The following CDH4 variants were observed in gnomAD, a reference collection of about 807,000 sequenced individuals.
CDH4 encodes the protein cadherin-4.
A neutral mutation model predicts 86.0 loss-of-function variants in CDH4; 33 were observed. The ratio of observed to expected loss-of-function variants is 0.38; its 90% CI spans 0.29 to 0.51. The LOEUF is 0.51. Ranked by LOEUF, CDH4 falls within the 20% of genes least tolerant of loss-of-function variation. CDH4 has a pLI of 0.86. For missense variants in CDH4, 1,114 were observed against 1,307.4 expected (o/e 0.85, Z 2.28); for synonymous variants, 555 against 549.4 (o/e 1.01, Z -0.14).
chr20:61,734,562 A>G (rs1600927878), intron 2 of CDH4, among the ~76,000 whole-genome samples: 3 of 152,124 alleles, frequency 2.0e-5, no homozygotes, highest in Admixed American at 1.3e-4. Flanking sequence ...TGGGCCCCGC[A>G]TGGTGCAGGG....
intron 2 of CDH4, among the ~76,000 whole-genome samples, chr20:61,538,117 CA>C (rs1421970698): frequency 1.3e-5 from 2 of 152,148 alleles, no homozygotes; most frequent in Non-Finnish European, 2.9e-5. Flanking sequence ...TCCGAGAGGC[CA>C]AGTTCAAGTC....
At chr20:61,718,879 G>A (rs1247474845) in intron 2 of CDH4, 2 of 471,102 alleles carry the variant, frequency 4.2e-6, no homozygotes, top group Admixed American at 2.3e-5. Context: ...TCAGGCTGGG[G>A]ATGGAACTCT....
intron 2 of CDH4, among the ~76,000 whole-genome samples, chr20:61,652,025 C>G (rs1213715864): frequency 1.3e-5 from 2 of 152,174 alleles, no homozygotes; most frequent in African/African-American, 4.8e-5. Context: ...AGTTTCTCTT[C>G]CACACATTTA....
chr20:61,374,859 G>A (rs1052039141), intron 2 of CDH4, among the ~76,000 whole-genome samples: 15 of 152,190 alleles, frequency 9.9e-5, no homozygotes, highest in East Asian at 1.9e-4. Context: ...CTTGGGAAGC[G>A]TGCCGCCTGG....
At position 61,852,942 on chromosome 20, in the gene CDH4, G is replaced by A. The variant is rs773159720; in HGVS notation, c.877+44G>A. On this transcript the variant is annotated intron_variant, in intron 6 of 15. Coordinates refer to ENST00000614565, the MANE Select transcript of CDH4 (RefSeq NM_001794.5). ...GCTTGCTGGAGACCCTGTGGGCTCT[G>A]CGGGTGCAGCACAGGCCCTGAGGGC... 14 of 1,605,120 alleles carry A rather than the reference G, an allele frequency of 8.7e-6. No homozygotes were observed. The South Asian group carries it at 1.4e-4, about 17-fold the overall frequency.
intron 2 of CDH4, among the ~76,000 whole-genome samples, chr20:61,388,222 G>A (rs1241354563): frequency 2.0e-5 from 3 of 152,098 alleles, no homozygotes; most frequent in Non-Finnish European, 4.4e-5. Context: ...TGCAGCTGTC[G>A]GCCGGGAGCA....
rs188040419 is a variant in CDH4, at chr20:61,481,701, C to A, written c.169+226764C>A. 5.3e-5 allele frequency among the ~76,000 whole-genome samples: 8 copies of A among 152,324 alleles called. No individual in the cohort carries two copies. In the East Asian group the frequency reaches 1.5e-3, roughly 29 times the overall value. The stretch of plus-strand genomic sequence containing the variant: ...CTAAAAAATGCTGGCTGCAAGCACA[C>A]ACGGTATGGATACAAATGGGGGTTA... On this transcript the variant is annotated intron_variant, in intron 2 of 15. Coordinates refer to ENST00000614565, the MANE Select transcript of CDH4 (RefSeq NM_001794.5).
chr20:61,606,008 C>T (rs1568709619), intron 2 of CDH4, among the ~76,000 whole-genome samples: 2 of 152,148 alleles, frequency 1.3e-5, no homozygotes. Context: ...GGAGCCAAAC[C>T]TCTGGGCAAT....
intron 2 of CDH4, chr20:61,599,739 G>A (rs915797483): frequency 1.0e-6 from 1 of 960,980 alleles, no homozygotes; most frequent in Non-Finnish European, 1.2e-6. Flanking sequence ...TCCTCCTCCT[G>A]ACGCGGCTCT....
chr20:61,731,410 C>G (rs2088184867), intron 2 of CDH4, among the ~76,000 whole-genome samples: 1 of 152,164 alleles, frequency 6.6e-6, no homozygotes, highest in Admixed American at 6.5e-5. Context: ...CCTGCCACCC[C>G]ACAGGGGTAT....
At chr20:61,934,722 C>G (rs539354550) in intron 15 of CDH4, among the ~76,000 whole-genome samples, 1 of 146,762 alleles carries the variant, frequency 6.8e-6, no homozygotes, top group Non-Finnish European at 1.5e-5. Flanking sequence ...AACTTGCCCC[C>G]CCTCCCCACC....
At chr20:61,493,066 A>T (rs527903735) in intron 2 of CDH4, among the ~76,000 whole-genome samples, 20 of 152,214 alleles carry the variant, frequency 1.3e-4, no homozygotes, top group Non-Finnish European at 2.9e-5. Flanking sequence ...TGAATGAAGT[A>T]CGTAAATTAG....
At chr20:61,926,860 G>A (rs2055049897) in intron 11 of CDH4, among the ~76,000 whole-genome samples, 1 of 152,014 alleles carries the variant, frequency 6.6e-6, no homozygotes, top group Non-Finnish European at 1.5e-5. Context: ...GCAATAGAGT[G>A]AGACTCCATC....
intron 5 of CDH4, among the ~76,000 whole-genome samples, chr20:61,849,829 A>C (rs1412702585): frequency 6.6e-6 from 1 of 152,146 alleles, no homozygotes; most frequent in African/African-American, 2.4e-5. Flanking sequence ...GATGGCGTCC[A>C]CCCAGCCCTG....
At chr20:61,848,462 C>T (rs538206247) in intron 5 of CDH4, among the ~76,000 whole-genome samples, 3 of 152,370 alleles carry the variant, frequency 2.0e-5, no homozygotes, top group South Asian at 4.1e-4. Context: ...GCCTCAACCT[C>T]CCAGGCTCAA....
intron 2 of CDH4, among the ~76,000 whole-genome samples, chr20:61,640,272 A>G (rs1179091147): frequency 6.6e-6 from 1 of 152,228 alleles, no homozygotes; most frequent in Non-Finnish European, 1.5e-5. Context: ...GAGAGCACGC[A>G]CAGCAGCAAC....
intron 13 of CDH4, among the ~76,000 whole-genome samples, chr20:61,930,548 C>T (rs926301655): frequency 1.3e-5 from 2 of 152,170 alleles, no homozygotes; most frequent in African/African-American, 4.8e-5. Context: ...CCAGTTCACA[C>T]CCAAACCACA....
At chr20:61,265,481 C>T (rs1600816670) in intron 2 of CDH4, among the ~76,000 whole-genome samples, 1 of 152,214 alleles carries the variant, frequency 6.6e-6, no homozygotes. Flanking sequence ...ACACAGACCT[C>T]AGTGGCTCCT....
intron 4 of CDH4, among the ~76,000 whole-genome samples, chr20:61,814,723 A>G (rs1278149901): frequency 2.0e-5 from 3 of 152,246 alleles, no homozygotes; most frequent in Non-Finnish European, 4.4e-5. Flanking sequence ...GGCGATGAGC[A>G]CTTGATGGAG....
Sources: gnomAD v4.1 joint callset for allele counts (sites outside exome capture counted in the v4.1 genomes callset) on GRCh38, gnomAD v4.1.1 for gene constraint, MANE v1.5 for transcripts, NCBI Gene and HGNC (gene_info 2026-07-23, HGNC 2026-07-21) for gene names.